The following TBPL2 variants were observed in gnomAD, a reference collection of about 807,000 sequenced individuals.
The protein encoded by TBPL2 is TATA box-binding protein-like 2.
In TBPL2, 40 loss-of-function variants were observed where a neutral mutation model predicts 38.2. That is an observed-to-expected ratio of 1.05 (90% CI 0.81 to 1.36). The LOEUF is 1.36. Among genes scored for constraint, TBPL2 ranks in the 40% most tolerant of loss-of-function variants. The pLI is 0.00. For missense variants in TBPL2, 461 were observed against 456.7 expected (o/e 1.01, Z -0.09); for synonymous variants, 169 against 171.7 (o/e 0.98, Z 0.12).
intron 6 of TBPL2, among the ~76,000 whole-genome samples, chr14:55,416,926 T>TA (rs1312198481): frequency 2.0e-5 from 3 of 152,178 alleles, no homozygotes; most frequent in Non-Finnish European, 2.9e-5. Context: ...ACTTTTATAT[T>TA]AAAAAATCCT....
intron 1 of TBPL2, chr14:55,438,976 C>T (rs1204610600): frequency 1.3e-5 from 2 of 149,454 alleles, no homozygotes; most frequent in South Asian, 2.1e-4. Context: ...CTCACTCTGT[C>T]GCCCAGGCTG....
At chr14:55,440,323 C>G in intron 1 of TBPL2, 73 bp downstream of exon 1, 1 of 1,568,252 alleles carries the variant, frequency 6.4e-7, no homozygotes, top group Admixed American at 1.9e-5. Flanking sequence ...TTAAGAGGAA[C>G]GAAGGCAAAG....
intron 6 of TBPL2, among the ~76,000 whole-genome samples, chr14:55,422,008 T>C (rs1330676143): frequency 1.3e-5 from 2 of 152,122 alleles, no homozygotes; most frequent in Non-Finnish European, 1.5e-5. Flanking sequence ...AAAATTAAAG[T>C]AATGAGGGGA....
At chr14:55,434,735 G>A (rs1469527675) in intron 3 of TBPL2, among the ~76,000 whole-genome samples, 1 of 152,128 alleles carries the variant, frequency 6.6e-6, no homozygotes, top group Admixed American at 6.5e-5. Context: ...TATTGTATTC[G>A]GGTAACATCG....
rs767069694 is a variant in TBPL2 at position 55,435,883 on chromosome 14, T to A, written c.660A>T (p.Ile220=). Reference sequence around the variant, plus strand: ...ATTCTGCATTTTTTGCATGCAAAGCTATTTTCTTCAGATCCAACTTACAGG... The same window carrying A: ...ATTCTGCATTTTTTGCATGCAAAGCAATTTTCTTCAGATCCAACTTACAGG... The change falls in exon 3 of 7, where the codon ATA becomes ATT. Residue 220 remains isoleucine, a synonymous_variant. Transcript: ENST00000247219. 1.8e-5 allele frequency: 29 copies of A among 1,575,018 alleles called. No homozygotes were observed. The South Asian group carries it at 3.5e-4, about 19-fold the overall frequency.
At position 55,424,156 on chromosome 14, in the gene TBPL2, T is replaced by TA. The variant is rs1885785128; in HGVS notation, c.1051+2dup. Reference sequence around the variant, plus strand: ...TGAGTCAGAAAATAATCTTAGCACTTACCTGTCAACACAACTTTTCCAGAT... The same window carrying TA: ...TGAGTCAGAAAATAATCTTAGCACTTAACCTGTCAACACAACTTTTCCAGAT... On this transcript the variant is annotated splice_region_variant and intron_variant, in intron 6 of 6. Coordinates refer to ENST00000247219, the Ensembl canonical transcript of TBPL2. 1 of 1,607,608 alleles carries TA rather than the reference T, an allele frequency of 6.2e-7. No individual in the cohort carries two copies. The highest frequency in any genetic ancestry group is 8.5e-7 in the Non-Finnish European group (1 of 1,174,628).
At chr14:55,421,282 T>A (rs1885740719) in intron 6 of TBPL2, among the ~76,000 whole-genome samples, 1 of 152,146 alleles carries the variant, frequency 6.6e-6, no homozygotes, top group Non-Finnish European at 1.5e-5. Flanking sequence ...GCCTCTGATA[T>A]CTACACTATT....
intron 4 of TBPL2, among the ~76,000 whole-genome samples, chr14:55,433,295 C>A (rs1885960951): frequency 2.2e-5 from 3 of 138,342 alleles, no homozygotes; most frequent in Non-Finnish European, 3.0e-5. Context: ...CATCCAGCTA[C>A]TTTTTAGATT....
Position 55,437,839 on chromosome 14 carries a change from C to T in TBPL2, c.151-821G>A, listed in dbSNP as rs144763209. Among the ~76,000 whole-genome samples, 919 of 152,226 alleles carry T rather than the reference C, an allele frequency of 6.0e-3. 12 individuals are homozygous for T. The highest frequency in any genetic ancestry group is 0.021 in the African/African-American group (880 of 41,532). On this transcript the variant is annotated intron_variant, in intron 1 of 6. Transcript: ENST00000247219. ...CATGGTTATTCCTTCTAGGCAAAGG[C>T]GTAATAAGAATTCTTGTAATGTTCT... is the stretch of plus-strand genomic sequence containing the variant.
At chr14:55,438,330 C>G (rs1417401889) in intron 1 of TBPL2, among the ~76,000 whole-genome samples, 1 of 152,172 alleles carries the variant, frequency 6.6e-6, no homozygotes, top group Non-Finnish European at 1.5e-5. Context: ...AAAACAAAAT[C>G]AAGCTATTCT....
At chr14:55,436,982 G>A in exon 2 of TBPL2, 4 of 1,614,172 alleles carry the variant, frequency 2.5e-6, no homozygotes, top group Non-Finnish European at 3.4e-6. Context: ...GGTACAACTG[G>A]GCTGAACAGG....
rs769889252 is a variant in TBPL2 at position 55,414,403 on chromosome 14, AATAGG to A, written c.1099_1103del (p.Pro367SerfsTer5). ...CTCAGGCTTTTTTAAAACCTTTTAG[AATAGG>A]ATAGATGTTTTCAAATGCTTCATAG... On this transcript the variant is annotated frameshift_variant, in exon 7 of 7. Coordinates refer to ENST00000247219, the Ensembl canonical transcript of TBPL2. LOFTEE classifies it high-confidence loss of function. 14 of 1,607,650 alleles carry A rather than the reference AATAGG, an allele frequency of 8.7e-6. No individual in the cohort carries two copies. Among genetic ancestry groups the A allele is most frequent in the Non-Finnish European group, 1.0e-5 (12 of 1,177,800 alleles).
chr14:55,429,056 T>A (rs1403361547), intron 4 of TBPL2, 82 bp from the exon 5 acceptor site: 1 of 1,505,706 alleles, frequency 6.6e-7, no homozygotes, highest in African/African-American at 1.4e-5. Context: ...TTGTTACCAT[T>A]TGTACCACGT....
At position 55,436,560 on chromosome 14, in the gene TBPL2, C is replaced by A. The variant is rs763692845; in HGVS notation, c.608+1G>T. The A allele has an allele frequency of 4.3e-5, 70 of 1,611,946 alleles. 1 individual carries two copies. The highest frequency in any genetic ancestry group is 8.5e-6 in the Non-Finnish European group (10 of 1,178,300). On this transcript the variant is annotated splice_donor_variant, in intron 2 of 6. Transcript: ENST00000247219. LOFTEE classifies it high-confidence loss of function. ...CAATTAAAACAAAAATAAAAACTTA[C>A]TGTAGTTGAGGTACAATTCCACAAC...
intron 5 of TBPL2, among the ~76,000 whole-genome samples, chr14:55,425,034 T>C (rs934608580): frequency 6.6e-6 from 1 of 152,198 alleles, no homozygotes; most frequent in African/African-American, 2.4e-5. Flanking sequence ...AATGGAACAC[T>C]AGCATCTTTG....
At chr14:55,417,161 G>A (rs1885680991) in intron 6 of TBPL2, among the ~76,000 whole-genome samples, 1 of 152,188 alleles carries the variant, frequency 6.6e-6, no homozygotes, top group Non-Finnish European at 1.5e-5. Flanking sequence ...ATTTCATAAA[G>A]GCATAAGAAA....
intron 4 of TBPL2, among the ~76,000 whole-genome samples, 157 bp downstream of exon 4, chr14:55,433,473 T>G (rs1885965020): frequency 6.6e-6 from 1 of 151,928 alleles, no homozygotes; most frequent in African/African-American, 2.4e-5. Flanking sequence ...TTTATAGGAG[T>G]GTTTTTAACC....
At chr14:55,428,689 G>A (rs1328049531) in intron 5 of TBPL2, 118 bp downstream of exon 5, 8 of 1,099,226 alleles carry the variant, frequency 7.3e-6, no homozygotes, top group African/African-American at 1.6e-5. Context: ...TCACTATTGT[G>A]TCCCCCGCCT....
At chr14:55,423,301 G>A (rs1261862318) in intron 6 of TBPL2, among the ~76,000 whole-genome samples, 1 of 152,236 alleles carries the variant, frequency 6.6e-6, no homozygotes, top group Non-Finnish European at 1.5e-5. Flanking sequence ...TTAAGACCAT[G>A]TGATACAGAA....
Sources: allele counts gnomAD v4.1 joint callset (sites outside exome capture counted in the v4.1 genomes callset), GRCh38; gene constraint gnomAD v4.1.1; transcripts MANE v1.5; gene names NCBI Gene and HGNC (gene_info 2026-07-23, HGNC 2026-07-21).